Variants in CIC observed in about 807,000 individuals in gnomAD.
The protein encoded by CIC is protein capicua homolog.
A neutral mutation model predicts 115.7 loss-of-function variants in CIC; 18 were observed. That is an observed-to-expected ratio of 0.16 (90% CI 0.11 to 0.23). The LOEUF is 0.23. Among genes scored for constraint, CIC ranks in the 10% least tolerant of loss-of-function variants. The pLI, the probability that CIC is intolerant of heterozygous loss-of-function variation, is 1.00. For synonymous variants in CIC, 1,076 were observed against 923.0 expected (o/e 1.17, Z -3.01); for missense variants, 2,000 against 2,159.3 (o/e 0.93, Z 1.46).
chr19:42,276,154 GAA>G (rs1166775359), intron 2 of CIC, among the ~76,000 whole-genome samples: 2 of 152,236 alleles, frequency 1.3e-5, no homozygotes, highest in Non-Finnish European at 2.9e-5. Context: ...TCAGGCAGAG[GAA>G]AGAGTTTGTG....
chr19:42,290,270 C>G lies in CIC; in HGVS notation c.4229C>G (p.Ser1410Cys). Reference sequence around the variant, plus strand: ...AAGGTGTTTTCACCTGTGATCCGTTCCTCCTTTACCCACTGCCGCCCCCCA... The same window carrying G: ...AAGGTGTTTTCACCTGTGATCCGTTGCTCCTTTACCCACTGCCGCCCCCCA... Reference protein sequence around the residue: ...GRKVFSPVIRSSFTHCRPPLD... With the variant: ...GRKVFSPVIRCSFTHCRPPLD... Residue 1410 changes from serine to cysteine, a missense_variant, in exon 11 of 21, where the codon TCC becomes TGC. Around this residue, in one of 8 missense-constraint regions of CIC, gnomAD observed 1,466 missense variants for 1,390.4 expected, o/e 1.05. Coordinates refer to ENST00000681038, the MANE Select transcript of CIC (RefSeq NM_001386298.1). 1 of 1,614,072 alleles carries G rather than the reference C, an allele frequency of 6.2e-7. No homozygotes were observed. Among genetic ancestry groups the G allele is most frequent in the Non-Finnish European group, 8.5e-7 (1 of 1,179,978 alleles).
chr19:42,287,372 C>T lies in CIC; in HGVS notation c.3232C>T (p.Arg1078Cys), dbSNP rs747433677. Reference sequence around the variant, plus strand: ...CCAGTTGCCTCTACCGCCCGGAAAACGTCGGACCCAGTCCCTCAGTGCCCT... The same window carrying T: ...CCAGTTGCCTCTACCGCCCGGAAAATGTCGGACCCAGTCCCTCAGTGCCCT... ...EIQLPLPPGK[R>C]RTQSLSALPK... The change falls in exon 5 of 21, where the codon CGT becomes TGT. Residue 1078 changes from arginine (R) to cysteine (C), a missense_variant. Physicochemically the swap from Arg to Cys is radical, Grantham distance 180. Around this residue, in one of 8 missense-constraint regions of CIC, gnomAD observed 222 missense variants for 247.7 expected, o/e 0.90. Coordinates refer to ENST00000681038, the MANE Select transcript of CIC (RefSeq NM_001386298.1). This position sits in a 1 kb window ranked among gnomAD's most constrained non-coding sequence, Gnocchi z 8.7. 2 of 1,614,022 alleles carry T rather than the reference C, an allele frequency of 1.2e-6. No homozygotes were observed. Among genetic ancestry groups the T allele is most frequent in the Non-Finnish European group, 1.7e-6 (2 of 1,180,046 alleles).
intron 2 of CIC, among the ~76,000 whole-genome samples, chr19:42,282,908 G>C (rs1200417211): frequency 6.6e-6 from 1 of 152,098 alleles, no homozygotes; most frequent in East Asian, 1.9e-4. Flanking sequence ...TGGGTGGCTG[G>C]CAGAGCAGTG....
In CIC at chr19:42,288,931, C is replaced by G; in HGVS notation, c.3702C>G (p.Ser1234Arg). 1.9e-6 allele frequency: 3 copies of G among 1,614,150 alleles called. No individual in the cohort carries two copies. Among genetic ancestry groups the G allele is most frequent in the Non-Finnish European group, 1.7e-6 (2 of 1,180,034 alleles). The part of the protein sequence containing the change: ...LLSVAAQTLL[S>R]SDTKAPGSSS... ...CCGTTGCAGCCCAGACACTCCTGAG[C>G]TCAGACACCAAGGCTCCGGGGAGCA... The change falls in exon 8 of 21, where the codon AGC becomes AGG. Residue 1234 changes from serine (S) to arginine (R), a missense_variant. This residue lies in a region of CIC where 1,466 missense variants were observed against 1,390.4 expected (regional missense o/e 1.05). Coordinates refer to ENST00000681038, the MANE Select transcript of CIC (RefSeq NM_001386298.1).
chr19:42,288,445 T>A (rs542647021), intron 7 of CIC, among the ~76,000 whole-genome samples: 1 of 152,324 alleles, frequency 6.6e-6, no homozygotes, highest in Non-Finnish European at 1.5e-5. Context: ...ATTGAGGTTG[T>A]CTGGTGTGCC....
At chr19:42,291,981 C>T (rs1161203714) in intron 12 of CIC, 105 bp from the exon 13 acceptor site, 41 of 1,540,464 alleles carry the variant, frequency 2.7e-5, no homozygotes, top group Non-Finnish European at 3.4e-5. Flanking sequence ...ACCCCAAGTT[C>T]TGTGTTCCTT....
chr19:42,291,123 C>G lies in CIC; in HGVS notation c.5082C>G (p.Ala1694=), dbSNP rs1433543310. ...CTGTCCAGTTCATTGCCCAGGGGGC[C>G]CCTGGTGGTGGGACCACTGCGGGCT... The part of the protein sequence containing the change: ...PPAVQFIAQG[A]PGGGTTAGSG... Residue 1694 remains alanine, a synonymous_variant, in exon 11 of 21, where the codon GCC becomes GCG. Transcript: ENST00000681038. 1.2e-6 allele frequency: 2 copies of G among 1,609,146 alleles called. No homozygotes were observed. The highest frequency in any genetic ancestry group is 2.7e-5 in the African/African-American group (2 of 74,774).
In CIC at chr19:42,295,420, C is replaced by T. The variant is rs2038447799; in HGVS notation, c.*229C>T. ...AGTCTCCCTCCTCCAAGCCCCTGTACATAACCTGGAGCGTGTGACCTTCAG... is the reference window on the plus strand; with the variant it reads ...AGTCTCCCTCCTCCAAGCCCCTGTATATAACCTGGAGCGTGTGACCTTCAG... On this transcript the variant is annotated 3_prime_UTR_variant, in exon 21 of 21. Transcript: ENST00000681038. The T allele has an allele frequency of 9.0e-6, 5 of 552,732 alleles. No homozygotes were observed. Among genetic ancestry groups the T allele is most frequent in the Non-Finnish European group, 1.6e-5 (5 of 311,448 alleles). The allele number at this position is 552,732 out of a possible 1,614,324, so 34.2% of individuals were successfully genotyped here. A position where few individuals can be genotyped will look rare whatever the true frequency, so the allele number is the denominator to read the frequency against.
rs2147270779 is a variant in CIC at position 42,291,284 on chromosome 19, C to T, written c.5243C>T (p.Ala1748Val). The change falls in exon 11 of 21, where the codon GCA (alanine) becomes GTA (valine). Residue 1748 changes from alanine (A) to valine (V), a missense_variant. This residue lies in a region of CIC where 1,466 missense variants were observed against 1,390.4 expected (regional missense o/e 1.05). Coordinates refer to ENST00000681038, the MANE Select transcript of CIC (RefSeq NM_001386298.1). The part of the protein sequence containing the change: ...LPTLPQQLQV[A>V]PAPAPAPGTK... ...ACGCTGCCCCAGCAGCTTCAGGTGG[C>T]ACCTGCCCCAGCACCAGCCCCTGGG... is the stretch of plus-strand genomic sequence containing the variant. The T allele has an allele frequency of 6.2e-7, 1 of 1,612,698 alleles. No homozygotes were observed. Among genetic ancestry groups the T allele is most frequent in the Non-Finnish European group, 8.5e-7 (1 of 1,179,804 alleles).
At chr19:42,275,661 ATTTG>A (rs1273506332) in intron 2 of CIC, among the ~76,000 whole-genome samples, 6 of 151,944 alleles carry the variant, frequency 3.9e-5, no homozygotes, top group African/African-American at 4.8e-5. Flanking sequence ...TTTCTTTCTT[ATTTG>A]TTTATTTATG....
rs369225136 is a variant in CIC, at chr19:42,287,770, G to C, written c.3493-40G>C. On this transcript the variant is annotated intron_variant, in intron 6 of 20. Transcript: ENST00000681038. The surrounding 1 kb of genome is among the most constrained non-coding windows in gnomAD (Gnocchi z 8.7). ...TGGCTCCTCCCAGCTTCTTCTGGTGGGGTGGGTGAGTGAAGGGTTGCCCTG... is the reference window on the plus strand; with the variant it reads ...TGGCTCCTCCCAGCTTCTTCTGGTGCGGTGGGTGAGTGAAGGGTTGCCCTG... 6.2e-7 allele frequency: 1 copy of C among 1,614,000 alleles called. No individual in the cohort carries two copies. Among genetic ancestry groups the C allele is most frequent in the Non-Finnish European group, 8.5e-7 (1 of 1,180,006 alleles).
chr19:42,270,590 T>G lies in CIC; in HGVS notation c.-10-1184T>G, dbSNP rs1297234856. 6.6e-6 allele frequency among the ~76,000 whole-genome samples: 1 copy of G among 152,190 alleles called. No homozygotes were observed. The highest frequency in any genetic ancestry group is 1.5e-5 in the Non-Finnish European group (1 of 68,022). On this transcript the variant is annotated intron_variant, in intron 1 of 20. Coordinates refer to ENST00000681038, the MANE Select transcript of CIC (RefSeq NM_001386298.1). This position sits in a 1 kb window ranked among gnomAD's most constrained non-coding sequence, Gnocchi z 4.1. ...TGGGCTTGTCCTGCTTTCTTTGACC[T>G]TATCCCACCTATCCCCACTTGGAGT...
At position 42,280,805 on chromosome 19, in the gene CIC, G is replaced by A. The variant is rs370086407; in HGVS notation, c.2795-5966G>A. Reference sequence around the variant, plus strand: ...CAGGGCGGCGCCCCCTCCTCTGCTCGGGCCTTGGCGCCTCCCTCAGCCCGC... The same window carrying A: ...CAGGGCGGCGCCCCCTCCTCTGCTCAGGCCTTGGCGCCTCCCTCAGCCCGC... On this transcript the variant is annotated intron_variant, in intron 2 of 20. Transcript: ENST00000681038. The surrounding 1 kb of genome is among the most constrained non-coding windows in gnomAD (Gnocchi z 4.9). Among the ~76,000 whole-genome samples the A allele has an allele frequency of 2.4e-4, 37 of 151,984 alleles. No individual in the cohort carries two copies. In the South Asian group the frequency reaches 7.5e-3, roughly 31 times the overall value.
rs1226700489 is a variant in CIC at position 42,290,862 on chromosome 19, G to A, written c.4821G>A (p.Glu1607=). The change falls in exon 11 of 21, where the codon GAG becomes GAA. Residue 1607 remains glutamate (E), a synonymous_variant. Transcript: ENST00000681038. The part of the protein sequence containing the change: ...SKPFPTSGRA[E]ASPNDTAGAR... Reference sequence around the variant, plus strand: ...CCTTCCCCACCTCTGGCCGGGCTGAGGCGTCTCCAAATGACACAGCAGGTG... The same window carrying A: ...CCTTCCCCACCTCTGGCCGGGCTGAAGCGTCTCCAAATGACACAGCAGGTG... 3 of 1,612,148 alleles carry A rather than the reference G, an allele frequency of 1.9e-6. No individual in the cohort carries two copies. Among genetic ancestry groups the A allele is most frequent in the African/African-American group, 1.3e-5 (1 of 74,894 alleles).
At chr19:42,271,167 T>A (rs2147000388) in intron 1 of CIC, among the ~76,000 whole-genome samples, 1 of 152,310 alleles carries the variant, frequency 6.6e-6, no homozygotes, top group South Asian at 2.1e-4. Context: ...TGTGTCTGAG[T>A]GCATGTACTC....
chr19:42,287,203 C>T lies in CIC; in HGVS notation c.3142C>T (p.Arg1048Trp), dbSNP rs2147183906. 6 of 1,613,620 alleles carry T rather than the reference C, an allele frequency of 3.7e-6. No homozygotes were observed. The highest frequency in any genetic ancestry group is 2.2e-5 in the East Asian group (1 of 44,868). The change falls in exon 4 of 21, where the codon CGG becomes TGG. Residue 1048 changes from arginine (R) to tryptophan (W), a missense_variant. By Grantham distance (101) the Arg-to-Trp change is moderately radical. Around this residue, in one of 8 missense-constraint regions of CIC, gnomAD observed 222 missense variants for 247.7 expected, o/e 0.90. Transcript: ENST00000681038. This position sits in a 1 kb window ranked among gnomAD's most constrained non-coding sequence, Gnocchi z 8.7. ...GGCCTCCGGCCCCCCAGGAGAGCCC[C>T]GGCTGGACAGTGAGACAGAGAGTGA... ...EEASGPPGEP[R>W]LDSETESDHD...
Position 42,294,231 on chromosome 19 carries a change from C to T in CIC, c.6981C>T (p.Ser2327=), listed in dbSNP as rs1568528987. The T allele has an allele frequency of 7.4e-6, 12 of 1,613,802 alleles. No homozygotes were observed. Among genetic ancestry groups the T allele is most frequent in the Non-Finnish European group, 8.5e-6 (10 of 1,180,022 alleles). ...CCAAGCGCAAGATGAGAAGACGCTC[C>T]AGCTGCAGCTCGGAGCCCAACACCC... ...TSPKRKMRRR[S]SCSSEPNTPK... is the part of the protein sequence containing the mutation. Residue 2327 remains serine, a synonymous_variant, in exon 19 of 21, where the codon TCC becomes TCT. Transcript: ENST00000681038.
rs891723299 is a variant in CIC, at chr19:42,290,636, G to T, written c.4595G>T (p.Gly1532Val). The change falls in exon 11 of 21, where the codon GGA (glycine) becomes GTA (valine). Residue 1532 changes from glycine to valine, a missense_variant. By Grantham distance (109) the Gly-to-Val change is moderately radical. This residue lies in a region of CIC where 1,466 missense variants were observed against 1,390.4 expected (regional missense o/e 1.05). Transcript: ENST00000681038. ...TCAGTCATCGCGGCCCCTCCCAGCG[G>T]AGGAGGAAACATCCTGCAGACACTG... ...GPSVIAAPPS[G>V]GGNILQTLVL... is the part of the protein sequence containing the mutation. 1 of 1,613,654 alleles carries T rather than the reference G, an allele frequency of 6.2e-7. No individual in the cohort carries two copies. Among genetic ancestry groups the T allele is most frequent in the Non-Finnish European group, 8.5e-7 (1 of 1,179,978 alleles).
chr19:42,291,267 C>A lies in CIC; in HGVS notation c.5226C>A (p.Pro1742=), dbSNP rs2147270505. Reference sequence around the variant, plus strand: ...TACAGTACATCCTGCCCACGCTGCCCCAGCAGCTTCAGGTGGCACCTGCCC... The same window carrying A: ...TACAGTACATCCTGCCCACGCTGCCACAGCAGCTTCAGGTGGCACCTGCCC... The part of the protein sequence containing the change: ...TQVQYILPTL[P]QQLQVAPAPA... Residue 1742 remains proline (P), a synonymous_variant, in exon 11 of 21, where the codon CCC becomes CCA. Coordinates refer to ENST00000681038, the MANE Select transcript of CIC (RefSeq NM_001386298.1). The A allele has an allele frequency of 6.2e-7, 1 of 1,612,660 alleles. No individual in the cohort carries two copies. The highest frequency in any genetic ancestry group is 2.2e-5 in the East Asian group (1 of 44,838).
Sources: allele counts gnomAD v4.1 joint callset (sites outside exome capture counted in the v4.1 genomes callset), GRCh38; gene constraint gnomAD v4.1.1; regional missense constraint gnomAD v4.1.1; non-coding constraint Gnocchi (gnomAD v3.1); transcripts MANE v1.5; gene names NCBI Gene and HGNC (gene_info 2026-07-23, HGNC 2026-07-21).